Variants in RNF217 observed in about 807,000 individuals in gnomAD.
RNF217 encodes E3 ubiquitin-protein ligase RNF217.
RNF217 carries 31 observed loss-of-function variants against 57.8 expected under a neutral mutation model. The observed-to-expected ratio is 0.54, with a 90% CI of 0.40 to 0.72. The LOEUF (loss-of-function observed/expected upper bound fraction) is 0.72, where lower values mean the gene tolerates loss of function less well. Among genes scored for constraint, RNF217 ranks in the 30% least tolerant of loss-of-function variants. The pLI, the probability that RNF217 is intolerant of heterozygous loss-of-function variation, is 0.00. For missense variants in RNF217, 696 were observed against 708.3 expected (o/e 0.98, Z 0.20); for synonymous variants, 313 against 294.0 (o/e 1.06, Z -0.66).
chr6:125,062,610 C>T (rs75008772), intron 3 of RNF217, among the ~76,000 whole-genome samples: 16,105 of 152,042 alleles, frequency 0.11, 899 homozygotes, highest in Non-Finnish European at 0.11. Flanking sequence ...GAGTCTCACT[C>T]TTTTCACCCG....
chr6:125,007,615 G>A (rs780661147), intron 1 of RNF217, among the ~76,000 whole-genome samples: 24 of 152,242 alleles, frequency 1.6e-4, no homozygotes, highest in Middle Eastern at 6.8e-3. Flanking sequence ...TTCAGTGCTT[G>A]GGGTGCAGAC....
chr6:125,063,452 A>C (rs1582767641), intron 3 of RNF217, among the ~76,000 whole-genome samples: 1 of 152,292 alleles, frequency 6.6e-6, no homozygotes, highest in East Asian at 1.9e-4. Context: ...CGCCATCTCT[A>C]TACAAAGTAC....
intron 1 of RNF217, among the ~76,000 whole-genome samples, chr6:124,999,568 C>G (rs1326362590): frequency 6.6e-6 from 1 of 151,916 alleles, no homozygotes; most frequent in Admixed American, 6.6e-5. Context: ...TCTGCCAGAG[C>G]CTAAAGTATA....
intron 1 of RNF217, among the ~76,000 whole-genome samples, chr6:124,972,787 T>C (rs1238895242): frequency 1.3e-5 from 2 of 152,140 alleles, no homozygotes; most frequent in African/African-American, 4.8e-5. Context: ...TGACCCCCTA[T>C]ATCTAGATTA....
At chr6:125,066,191 G>T (rs1279347070) in intron 3 of RNF217, among the ~76,000 whole-genome samples, 3 of 152,122 alleles carry the variant, frequency 2.0e-5, no homozygotes, top group Non-Finnish European at 4.4e-5. Flanking sequence ...GGATTTTCAT[G>T]TACCTCCTAA....
chr6:124,994,147 A>T (rs1434075795), intron 1 of RNF217, among the ~76,000 whole-genome samples: 1 of 152,244 alleles, frequency 6.6e-6, no homozygotes, highest in East Asian at 1.9e-4. Flanking sequence ...ATATGTATAT[A>T]AGGGATGTGT....
At chr6:125,017,828 CAT>C (rs1367343411) in intron 1 of RNF217, among the ~76,000 whole-genome samples, 1 of 152,098 alleles carries the variant, frequency 6.6e-6, no homozygotes, top group African/African-American at 2.4e-5. Context: ...ACAAGCATAG[CAT>C]AATAAATGGG....
chr6:125,005,707 C>T (rs1005112869), intron 1 of RNF217, among the ~76,000 whole-genome samples: 8 of 152,030 alleles, frequency 5.3e-5, no homozygotes, highest in East Asian at 1.9e-4. Flanking sequence ...ATATTACATT[C>T]GAAATATGAT....
At chr6:125,014,348 C>T (rs1157918541) in intron 1 of RNF217, among the ~76,000 whole-genome samples, 1 of 152,180 alleles carries the variant, frequency 6.6e-6, no homozygotes, top group Non-Finnish European at 1.5e-5. Flanking sequence ...TGGATTAGCT[C>T]ACCACAGCCT....
At chr6:125,073,745 G>A (rs1411552242) in intron 3 of RNF217, among the ~76,000 whole-genome samples, 3 of 152,088 alleles carry the variant, frequency 2.0e-5, no homozygotes, top group Non-Finnish European at 4.4e-5. Context: ...GGACTGCCTG[G>A]CAGTCCAGGA....
chr6:125,088,418 AT>A lies in RNF217; in HGVS notation c.*5483del. 6.6e-6 allele frequency: 1 copy of A among 152,260 alleles called. No homozygotes were observed. The highest frequency in any genetic ancestry group is 1.9e-4 in the East Asian group (1 of 5,184). 9.4% of individuals were successfully genotyped at this position (152,260 alleles called of 1,614,324 possible). ...TAGCCAAACTTTGTGTGGGACTTCTATTGTTACTAATTGTAAGGCTGTAACT... is the reference window on the plus strand; with the variant it reads ...TAGCCAAACTTTGTGTGGGACTTCTATGTTACTAATTGTAAGGCTGTAACT... On this transcript the variant is annotated 3_prime_UTR_variant, in exon 6 of 6. Coordinates refer to ENST00000521654, the MANE Select transcript of RNF217 (RefSeq NM_001286398.3).
intron 3 of RNF217, among the ~76,000 whole-genome samples, chr6:125,065,166 T>C (rs502056): frequency 0.65 from 97,737 of 151,272 alleles, 33,754 homozygotes; most frequent in African/African-American, 0.89. Context: ...TGGCAGTCGC[T>C]TGTAGTCCCA....
At chr6:124,966,938 A>G (rs542282307) in intron 1 of RNF217, among the ~76,000 whole-genome samples, 21 of 152,314 alleles carry the variant, frequency 1.4e-4, no homozygotes, top group Admixed American at 9.8e-4. Context: ...TTCTCCAGTT[A>G]TTGCCATGAC....
In RNF217 at chr6:125,091,010, C is replaced by T. The variant is rs1313955617; in HGVS notation, c.*8073C>T. ...AAAAGAAATTGCAAAGGAAAAATTA[C>T]GTTGAGATGAAATGTTGAGAAATAA... On this transcript the variant is annotated 3_prime_UTR_variant, in exon 6 of 6. Coordinates refer to ENST00000521654, the MANE Select transcript of RNF217 (RefSeq NM_001286398.3). 1 of 151,936 alleles carries T rather than the reference C, an allele frequency of 6.6e-6. No homozygotes were observed. Among genetic ancestry groups the T allele is most frequent in the Non-Finnish European group, 1.5e-5 (1 of 67,876 alleles). 9.4% of individuals were successfully genotyped at this position (151,936 alleles called of 1,614,324 possible). A position where few individuals can be genotyped will look rare whatever the true frequency, so the allele number is the denominator to read the frequency against.
chr6:125,040,097 A>T (rs1217270009), intron 1 of RNF217, among the ~76,000 whole-genome samples: 4 of 152,212 alleles, frequency 2.6e-5, no homozygotes, highest in Admixed American at 2.0e-4. Context: ...AGATCAGAGC[A>T]GAATTGAAGG....
intron 1 of RNF217, among the ~76,000 whole-genome samples, chr6:125,012,842 T>G (rs1186581994): frequency 6.6e-6 from 1 of 152,204 alleles, no homozygotes; most frequent in Non-Finnish European, 1.5e-5. Flanking sequence ...GCTTATGTTT[T>G]GATCACTATA....
intron 3 of RNF217, among the ~76,000 whole-genome samples, chr6:125,071,253 T>C (rs484636): frequency 0.66 from 100,633 of 152,024 alleles, 35,393 homozygotes; most frequent in African/African-American, 0.89. Context: ...AGAAACCATA[T>C]TTCAAATTTT....
chr6:125,033,017 G>A (rs1786425828), intron 1 of RNF217, among the ~76,000 whole-genome samples: 1 of 152,056 alleles, frequency 6.6e-6, no homozygotes, highest in African/African-American at 2.4e-5. Context: ...GATGACTTAT[G>A]AAGTTGAATA....
In RNF217 at chr6:124,999,094, C is replaced by T. The variant is rs77876150; in HGVS notation, c.882+35668C>T. Among the ~76,000 whole-genome samples the T allele has an allele frequency of 2.9e-3, 437 of 152,276 alleles. 3 individuals are homozygous for T. The highest frequency in any genetic ancestry group is 9.8e-3 in the African/African-American group (407 of 41,542). ...CACAACTTCTTTCTTAAGGTGACTT[C>T]GTGCCTCTAAAAAGCATACTAGGAA... On this transcript the variant is annotated intron_variant, in intron 1 of 5. Transcript: ENST00000521654.
Sources: allele counts gnomAD v4.1 joint callset (sites outside exome capture counted in the v4.1 genomes callset), GRCh38; gene constraint gnomAD v4.1.1; transcripts MANE v1.5; gene names NCBI Gene and HGNC (gene_info 2026-07-23, HGNC 2026-07-21).